SAMD4A: variants seen among roughly 807,000 people sequenced by gnomAD.
SAMD4A encodes the protein sterile alpha motif domain containing 4A.
A neutral mutation model predicts 81.3 loss-of-function variants in SAMD4A; 33 were observed. That is an observed-to-expected ratio of 0.41 (90% confidence interval 0.31 to 0.54). SAMD4A has a LOEUF of 0.54. Ranked by LOEUF, SAMD4A falls within the 20% of genes least tolerant of loss-of-function variation. The pLI, the probability that SAMD4A is intolerant of heterozygous loss-of-function variation, is 0.37. For synonymous variants in SAMD4A, 389 were observed against 382.1 expected, an observed-to-expected ratio of 1.02 and a Z score of -0.21; for missense variants, 854 against 951.1, an observed-to-expected ratio of 0.90 and a Z score of 1.34.
At chr14:54,767,523 G>A (rs2038582974) in intron 8 of SAMD4A, among the ~76,000 whole-genome samples, 1 of 152,330 alleles carries the variant, frequency 6.6e-6, no homozygotes, top group Admixed American at 6.5e-5. Context: ...ATGAGCTCTT[G>A]CCGCTTTATG....
chr14:54,619,719 C>T (rs1327154515), intron 2 of SAMD4A, among the ~76,000 whole-genome samples: 1 of 152,166 alleles, frequency 6.6e-6, no homozygotes, highest in Non-Finnish European at 1.5e-5. Context: ...GTAGCTCCCA[C>T]TGGTAAGTGA....
intron 4 of SAMD4A, among the ~76,000 whole-genome samples, chr14:54,738,705 G>C (rs1021118453): frequency 6.6e-6 from 1 of 152,232 alleles, no homozygotes; most frequent in South Asian, 2.1e-4. Flanking sequence ...TGAGCCCCAG[G>C]TGATGCGTAG....
At chr14:54,785,410 C>T (rs1285369094) in intron 12 of SAMD4A, among the ~76,000 whole-genome samples, 1 of 152,238 alleles carries the variant, frequency 6.6e-6, no homozygotes, top group Non-Finnish European at 1.5e-5. Flanking sequence ...ATTTATGATG[C>T]TTGGCAGGCA....
intron 2 of SAMD4A, among the ~76,000 whole-genome samples, chr14:54,689,269 C>G (rs1247203605): frequency 6.6e-6 from 1 of 152,094 alleles, no homozygotes; most frequent in Non-Finnish European, 1.5e-5. Flanking sequence ...CAGGCATGCC[C>G]CTCCTCCATA....
intron 4 of SAMD4A, among the ~76,000 whole-genome samples, chr14:54,743,545 A>G (rs992978354): frequency 2.0e-5 from 3 of 152,240 alleles, no homozygotes; most frequent in African/African-American, 7.2e-5. Context: ...TTTGATGTGG[A>G]CACAGCCACT....
In SAMD4A at chr14:54,770,106, A is replaced by G. The variant is rs777770506; in HGVS notation, c.1599A>G (p.Ala533=). 6.2e-7 allele frequency: 1 copy of G among 1,610,524 alleles called. No individual in the cohort carries two copies. Among genetic ancestry groups the G allele is most frequent in the South Asian group, 1.1e-5 (1 of 90,958 alleles). ...AAAAGTCCTGTTTGTTTTTGCAGGC[A>G]TTTACAGAGACACAGAAAAAAAGAT... ...QLIDKCLIHE[A]FTETQKKRLL... Residue 533 remains alanine, a splice_region_variant and synonymous_variant, in exon 9 of 13, where the codon GCA becomes GCG. Transcript: ENST00000554335.
At chr14:54,689,190 C>A (rs1420977268) in intron 2 of SAMD4A, among the ~76,000 whole-genome samples, 2 of 152,158 alleles carry the variant, frequency 1.3e-5, no homozygotes, top group Non-Finnish European at 2.9e-5. Context: ...ACCTCAGCCT[C>A]CCAAAGTGCT....
chr14:54,694,106 G>A (rs1395513957), intron 2 of SAMD4A: 1 of 152,466 alleles, frequency 6.6e-6, no homozygotes, highest in Non-Finnish European at 1.5e-5. Flanking sequence ...AAGGGTGGAG[G>A]CTAGATCATA....
intron 2 of SAMD4A, among the ~76,000 whole-genome samples, chr14:54,597,343 C>T (rs1469194116): frequency 1.2e-4 from 18 of 148,444 alleles, no homozygotes; most frequent in Admixed American, 9.4e-4. Flanking sequence ...GGCATGATCT[C>T]GGCTCACCAC....
At chr14:54,722,111 C>T (rs963132618) in intron 3 of SAMD4A, among the ~76,000 whole-genome samples, 1 of 152,158 alleles carries the variant, frequency 6.6e-6, no homozygotes, top group Admixed American at 6.5e-5. Context: ...TCTTTCATGG[C>T]GACTTCAGCT....
At chr14:54,693,958 C>T (rs1410355662) in intron 2 of SAMD4A, 1 of 152,444 alleles carries the variant, frequency 6.6e-6, no homozygotes, top group Non-Finnish European at 1.5e-5. Flanking sequence ...CTGAGAGAGG[C>T]TAAACATGGG....
chr14:54,623,483 C>CAAAAAAAAAAAAA (rs59768858), intron 2 of SAMD4A, among the ~76,000 whole-genome samples: 10 of 45,966 alleles, frequency 2.2e-4, no homozygotes, highest in Non-Finnish European at 2.7e-4. Context: ...TGGACATCAG[C>CAAAAAAAAAAAAA]AAAAAAAAAA....
At chr14:54,717,730 C>T (rs1428315503) in intron 3 of SAMD4A, among the ~76,000 whole-genome samples, 1 of 152,060 alleles carries the variant, frequency 6.6e-6, no homozygotes, top group Non-Finnish European at 1.5e-5. Context: ...AGACTGACAA[C>T]GTGATTGAGG....
intron 12 of SAMD4A, among the ~76,000 whole-genome samples, chr14:54,786,822 T>C (rs550853427): frequency 6.6e-6 from 1 of 152,376 alleles, no homozygotes; most frequent in Admixed American, 6.5e-5. Flanking sequence ...CTGTTCTGTT[T>C]TTACAGAAAA....
At chr14:54,685,440 C>G (rs546955798) in intron 2 of SAMD4A, among the ~76,000 whole-genome samples, 1 of 152,312 alleles carries the variant, frequency 6.6e-6, no homozygotes, top group South Asian at 2.1e-4. Flanking sequence ...AATTTCCTTC[C>G]TTGTTGAGGC....
chr14:54,629,690 A>G (rs1186755492), intron 2 of SAMD4A, among the ~76,000 whole-genome samples: 3 of 152,176 alleles, frequency 2.0e-5, no homozygotes, highest in African/African-American at 4.8e-5. Context: ...GGTAAAATAC[A>G]GTTTATCAAC....
chr14:54,698,915 G>T (rs888911244), intron 2 of SAMD4A, among the ~76,000 whole-genome samples: 57 of 151,064 alleles, frequency 3.8e-4, no homozygotes, highest in Admixed American at 1.2e-3. Context: ...TTTATGTTTT[G>T]TTTTTGTTGC....
chr14:54,786,584 C>T lies in SAMD4A; in HGVS notation c.2128+1964C>T, dbSNP rs574812004. Among the ~76,000 whole-genome samples the T allele has an allele frequency of 9.2e-5, 14 of 152,338 alleles. No individual in the cohort carries two copies. The South Asian group carries it at 1.2e-3, about 14-fold the overall frequency. ...AGGGAAGCCCCTGTGCTCCCCTGCT[C>T]GACAGTGGCCAGCTGGGTGGGGGAC... is the stretch of plus-strand genomic sequence containing the variant. On this transcript the variant is annotated intron_variant, in intron 12 of 12. Transcript: ENST00000554335.
In SAMD4A at chr14:54,748,869, C is replaced by T; in HGVS notation, c.1034C>T (p.Ser345Phe). 6.4e-7 allele frequency: 1 copy of T among 1,555,574 alleles called. No individual in the cohort carries two copies. Among genetic ancestry groups the T allele is most frequent in the Non-Finnish European group, 8.7e-7 (1 of 1,148,724 alleles). ...LRLHKYAALF[S>F]QMTYEEMMAL... ...CTGCACAAATATGCCGCGCTTTTCT[C>T]CCAGATGACCTATGAGGAGATGATG... Residue 345 changes from serine to phenylalanine, a missense_variant, in exon 5 of 13, where the codon TCC (serine) becomes TTC (phenylalanine). This residue lies in a region of SAMD4A where 39 missense variants were observed against 74.1 expected (regional missense o/e 0.53). Transcript: ENST00000554335.
Sources: gnomAD v4.1 joint callset for allele counts (sites outside exome capture counted in the v4.1 genomes callset) on GRCh38, gnomAD v4.1.1 for gene constraint, gnomAD v4.1.1 regional missense constraint, MANE v1.5 for transcripts, NCBI Gene and HGNC (gene_info 2026-07-23, HGNC 2026-07-21) for gene names.